The following NFASC variants were observed in gnomAD, a reference collection of about 807,000 sequenced individuals.
The protein encoded by NFASC is neurofascin, also known as neurofascin homolog.
Under a neutral mutation model 147.5 loss-of-function variants are expected in NFASC, and 43 were observed. That is an observed-to-expected ratio of 0.29 (90% confidence interval 0.23 to 0.38). The LOEUF (loss-of-function observed/expected upper bound fraction) is 0.38. NFASC is among the 10% of genes least tolerant of loss of function. The pLI, the probability that NFASC is intolerant of heterozygous loss-of-function variation, is 1.00. For missense variants in NFASC, 1,320 were observed against 1,689.0 expected (o/e 0.78, Z 3.83); for synonymous variants, 622 against 665.5 (o/e 0.93, Z 1.01).
rs140379214 is a variant in NFASC, at chr1:204,912,523, G to A, written c.-199-8109G>A. Among the ~76,000 whole-genome samples, 496 of 151,400 alleles carry A rather than the reference G, an allele frequency of 3.3e-3. 11 individuals carry two copies. Among genetic ancestry groups the A allele is most frequent in the East Asian group, 0.012 (63 of 5,094 alleles). ...ACCAGCCTGGGCAACATAGCAAGAC[G>A]CCCCATCTCTAAAACTATAAATAAT... is the stretch of plus-strand genomic sequence containing the variant. On this transcript the variant is annotated intron_variant, in intron 1 of 29. Coordinates refer to ENST00000339876, the MANE Select transcript of NFASC (RefSeq NM_001005388.3).
At chr1:204,859,861 T>C (rs1469141725) in intron 1 of NFASC, among the ~76,000 whole-genome samples, 1 of 152,180 alleles carries the variant, frequency 6.6e-6, no homozygotes, top group Non-Finnish European at 1.5e-5. Flanking sequence ...TAGGAAAACA[T>C]ACCCCTAAGC....
intron 25 of NFASC, chr1:204,998,420 T>G (rs961728503): frequency 6.6e-6 from 1 of 152,298 alleles, no homozygotes; most frequent in Non-Finnish European, 1.5e-5. Flanking sequence ...TTCCAAGGCC[T>G]CCTTTCTCCC....
chr1:204,974,332 TG>T, intron 13 of NFASC, 42 bp downstream of exon 13: 1 of 1,451,918 alleles, frequency 6.9e-7, no homozygotes, highest in Non-Finnish European at 9.6e-7. Flanking sequence ...AGGGGTCACC[TG>T]TCTCATCTTC....
intron 2 of NFASC, among the ~76,000 whole-genome samples, chr1:204,925,982 C>G (rs1033429995): frequency 9.9e-5 from 15 of 152,258 alleles, no homozygotes; most frequent in South Asian, 6.2e-4. Flanking sequence ...GGAGAGGTTT[C>G]TGGCCATTCT....
intron 1 of NFASC, among the ~76,000 whole-genome samples, chr1:204,906,978 C>G (rs1050837180): frequency 6.6e-6 from 1 of 152,160 alleles, no homozygotes; most frequent in African/African-American, 2.4e-5. Context: ...GGAGTACATA[C>G]CAGAAGTAGG....
intron 3 of NFASC, chr1:204,946,675 G>A (rs749500551): frequency 7.7e-6 from 4 of 516,512 alleles, no homozygotes; most frequent in South Asian, 5.6e-5. Flanking sequence ...GAAGGTGGTG[G>A]TCATGTACGG....
Position 204,968,794 on chromosome 1 carries a change from C to T in NFASC, c.819-4C>T. 6.2e-7 allele frequency: 1 copy of T among 1,611,442 alleles called. No homozygotes were observed. Among genetic ancestry groups the T allele is most frequent in the South Asian group, 1.1e-5 (1 of 90,824 alleles). On this transcript the variant is annotated splice_region_variant and splice_polypyrimidine_tract_variant and intron_variant, in intron 9 of 29. Coordinates refer to ENST00000339876, the MANE Select transcript of NFASC (RefSeq NM_001005388.3). The surrounding 1 kb of genome is among the most constrained non-coding windows in gnomAD (Gnocchi z 5.4). The stretch of plus-strand genomic sequence containing the variant: ...ACTTGTTTCCTGCTTGGCGCCTCTC[C>T]TAGCCCAACACCAGACATCGCATGG...
chr1:204,940,139 A>G (rs16854757), intron 2 of NFASC, among the ~76,000 whole-genome samples: 3,669 of 152,246 alleles, frequency 0.024, 138 homozygotes, highest in African/African-American at 0.083. Flanking sequence ...TGTTGAGGTG[A>G]AACATAAACC....
intron 12 of NFASC, among the ~76,000 whole-genome samples, chr1:204,973,780 A>G (rs2095327453): frequency 1.3e-5 from 2 of 152,090 alleles, no homozygotes; most frequent in Admixed American, 6.5e-5. Flanking sequence ...TGGTGTATCC[A>G]TGTTGACTTC....
At chr1:204,884,973 A>G (rs1047970461) in intron 1 of NFASC, among the ~76,000 whole-genome samples, 2 of 152,174 alleles carry the variant, frequency 1.3e-5, no homozygotes, top group Admixed American at 6.5e-5. Flanking sequence ...GAGATCCATA[A>G]AGAAGTAGCT....
intron 2 of NFASC, among the ~76,000 whole-genome samples, chr1:204,923,216 G>C (rs1417440786): frequency 1.3e-5 from 2 of 152,136 alleles, no homozygotes; most frequent in Non-Finnish European, 2.9e-5. Context: ...CTGCAGGTGT[G>C]AGCTCTGAAA....
In NFASC at chr1:204,984,357, A is replaced by ATGTGTG. The variant is rs10657459; in HGVS notation, c.2470+2345_2470+2350dup. On this transcript the variant is annotated intron_variant, in intron 21 of 29. Transcript: ENST00000339876. Reference sequence around the variant, plus strand: ...TGTGTGTGTGTGTGTATATATATATATGTGTGTGTGTGTATATATATACGC... The same window carrying ATGTGTG: ...TGTGTGTGTGTGTGTATATATATATATGTGTGTGTGTGTGTGTGTATATATATACGC... 9 of 192,406 alleles carry ATGTGTG rather than the reference A, an allele frequency of 4.7e-5. 1 individual carries two copies. The highest frequency in any genetic ancestry group is 2.5e-4 in the African/African-American group (9 of 36,244). 11.9% of individuals were successfully genotyped at this position (192,406 alleles called of 1,614,324 possible).
rs72757712 is a variant in NFASC, at chr1:204,898,553, G to C, written c.-199-22079G>C. ...GAAGCATGAAGCAATGGATTGTGAG[G>C]GCAGAGCACTCTATGGCTGATCTGG... is the stretch of plus-strand genomic sequence containing the variant. On this transcript the variant is annotated intron_variant, in intron 1 of 29. Coordinates refer to ENST00000339876, the MANE Select transcript of NFASC (RefSeq NM_001005388.3). Among the ~76,000 whole-genome samples, 1,249 of 152,288 alleles carry C rather than the reference G, an allele frequency of 8.2e-3. 17 individuals are homozygous for C. The highest frequency in any genetic ancestry group is 0.012 in the Non-Finnish European group (793 of 68,014).
intron 1 of NFASC, among the ~76,000 whole-genome samples, chr1:204,879,075 T>C (rs2079599880): frequency 6.6e-6 from 1 of 152,232 alleles, no homozygotes; most frequent in African/African-American, 2.4e-5. Flanking sequence ...CAAGCTAATC[T>C]GAGGACAGAA....
chr1:204,881,495 G>A (rs1376854882), intron 1 of NFASC, among the ~76,000 whole-genome samples: 1 of 152,206 alleles, frequency 6.6e-6, no homozygotes, highest in Non-Finnish European at 1.5e-5. Flanking sequence ...TTCTGGGTTG[G>A]AGTCACTATC....
intron 1 of NFASC, among the ~76,000 whole-genome samples, chr1:204,900,843 G>GT (rs200855720): frequency 2.3e-3 from 343 of 149,766 alleles, no homozygotes; most frequent in African/African-American, 7.5e-3. Context: ...AAACAGATTA[G>GT]TTTTTTTTTT....
chr1:204,877,000 A>G (rs1163856313), intron 1 of NFASC, among the ~76,000 whole-genome samples: 55 of 75,322 alleles, frequency 7.3e-4, no homozygotes, highest in South Asian at 2.4e-3. Flanking sequence ...AAATATGTAT[A>G]TATATATATA....
At chr1:204,966,494 G>A (rs1298048745) in intron 8 of NFASC, among the ~76,000 whole-genome samples, 5 of 152,192 alleles carry the variant, frequency 3.3e-5, no homozygotes, top group African/African-American at 9.7e-5. Flanking sequence ...TAGTGCCCAT[G>A]TGTCTTGGTT....
chr1:204,830,809 C>G (rs898586900), intron 1 of NFASC, among the ~76,000 whole-genome samples: 1 of 152,182 alleles, frequency 6.6e-6, no homozygotes, highest in Non-Finnish European at 1.5e-5. Context: ...TAAATTGAGG[C>G]GTTAAGAGCG....
Sources: gnomAD v4.1 joint callset for allele counts (sites outside exome capture counted in the v4.1 genomes callset) on GRCh38, gnomAD v4.1.1 for gene constraint, Gnocchi (gnomAD v3.1) non-coding constraint, MANE v1.5 for transcripts, NCBI Gene and HGNC (gene_info 2026-07-23, HGNC 2026-07-21) for gene names.